Variants in GNG4 observed in about 807,000 individuals in gnomAD.
GNG4 encodes the protein guanine nucleotide-binding protein G(I)/G(S)/G(O) subunit gamma-4.
GNG4 carries 4 observed loss-of-function variants against 5.8 expected under a neutral mutation model. That is an observed-to-expected ratio of 0.69 (90% CI 0.34 to 1.57). GNG4 has a LOEUF of 1.57. GNG4 is among the 40% of genes most tolerant of loss of function. GNG4 has a pLI of 0.06. For missense variants in GNG4, 96 were observed against 95.1 expected (o/e 1.01, Z -0.04); for synonymous variants, 29 against 32.9 (o/e 0.88, Z 0.41).
chr1:235,615,236 C>G (rs1485712651), intron 1 of GNG4: 2 of 152,222 alleles, frequency 1.3e-5, no homozygotes, highest in Non-Finnish European at 2.9e-5. Flanking sequence ...GCAGAAGAGT[C>G]AGTGTCAGAG....
chr1:235,588,384 G>A (rs1019482512), intron 2 of GNG4, among the ~76,000 whole-genome samples: 5 of 151,872 alleles, frequency 3.3e-5, no homozygotes, highest in East Asian at 1.9e-4. Context: ...TGTGCTCTCC[G>A]ACCCCAGCTT....
At chr1:235,635,368 C>T (rs771936156) in intron 1 of GNG4, among the ~76,000 whole-genome samples, 28 of 152,008 alleles carry the variant, frequency 1.8e-4, no homozygotes, top group African/African-American at 5.3e-4. Flanking sequence ...TGGTGGTATG[C>T]GCCTGTAATC....
At chr1:235,601,966 G>T (rs934926966) in intron 1 of GNG4, among the ~76,000 whole-genome samples, 2 of 152,126 alleles carry the variant, frequency 1.3e-5, no homozygotes, top group African/African-American at 4.8e-5. Flanking sequence ...GGCCCACTCA[G>T]ACCTACCAAA....
chr1:235,631,477 T>C (rs971230868), intron 1 of GNG4, among the ~76,000 whole-genome samples: 3 of 152,244 alleles, frequency 2.0e-5, no homozygotes, highest in Non-Finnish European at 4.4e-5. Context: ...TGGGCATTGA[T>C]GCTCTGAGCG....
chr1:235,641,695 TATAA>T (rs1005424656), intron 1 of GNG4, among the ~76,000 whole-genome samples: 9 of 151,964 alleles, frequency 5.9e-5, no homozygotes, highest in African/African-American at 2.2e-4. Flanking sequence ...CACCTAAAAA[TATAA>T]ATAAATAAAT....
intron 1 of GNG4, among the ~76,000 whole-genome samples, chr1:235,607,937 A>ATTT (rs140271145): frequency 7.5e-6 from 1 of 132,758 alleles, no homozygotes; most frequent in Non-Finnish European, 1.6e-5. Flanking sequence ...TGCTGTTTCT[A>ATTT]TTTTTTTTTT....
At chr1:235,556,114 G>C in intron 3 of GNG4, among the ~76,000 whole-genome samples, 1 of 151,760 alleles carries the variant, frequency 6.6e-6, no homozygotes, top group East Asian at 2.0e-4. Context: ...TGATCTGCCC[G>C]CCTCGGCCTC....
At chr1:235,560,363 G>A (rs1246152566) in intron 3 of GNG4, among the ~76,000 whole-genome samples, 2 of 152,126 alleles carry the variant, frequency 1.3e-5, no homozygotes, top group African/African-American at 4.8e-5. Flanking sequence ...CTTATAAAAG[G>A]ATGGGTTTGG....
Position 235,548,058 on chromosome 1 carries a change from C to G in GNG4, c.*4051G>C, listed in dbSNP as rs576206200. Reference sequence around the variant, plus strand: ...TGGGATTCCATCGTGTGAATATACCCTAATGTGCTTATCCAGCCAACATGG... The same window carrying G: ...TGGGATTCCATCGTGTGAATATACCGTAATGTGCTTATCCAGCCAACATGG... On this transcript the variant is annotated 3_prime_UTR_variant, in exon 4 of 4. Transcript: ENST00000391854. The G allele has an allele frequency of 2.6e-5, 4 of 152,292 alleles. No homozygotes were observed. The South Asian group carries it at 8.3e-4, about 32-fold the overall frequency. 9.4% of individuals were successfully genotyped at this position (152,292 alleles called of 1,614,324 possible).
At chr1:235,620,365 CAAA>C (rs1162775558) in intron 1 of GNG4, among the ~76,000 whole-genome samples, 1 of 151,938 alleles carries the variant, frequency 6.6e-6, no homozygotes, top group Non-Finnish European at 1.5e-5. Context: ...AACTCTATTT[CAAA>C]AAACAAAACA....
intron 3 of GNG4, among the ~76,000 whole-genome samples, chr1:235,580,423 T>C (rs1386469369): frequency 6.6e-6 from 1 of 152,238 alleles, no homozygotes; most frequent in Non-Finnish European, 1.5e-5. Context: ...TTGTATGTTA[T>C]ATATATTTTA....
chr1:235,611,136 T>C (rs1688467928), intron 1 of GNG4, among the ~76,000 whole-genome samples: 1 of 150,598 alleles, frequency 6.6e-6, no homozygotes, highest in Admixed American at 6.6e-5. Context: ...AGATAAAATG[T>C]AGTTACCCAC....
chr1:235,585,460 T>C (rs190935746), intron 2 of GNG4, among the ~76,000 whole-genome samples: 9 of 152,334 alleles, frequency 5.9e-5, no homozygotes, highest in Admixed American at 5.9e-4. Flanking sequence ...TTTATTTTCT[T>C]AGAAAGTAAG....
At chr1:235,629,184 A>G (rs963694583) in intron 1 of GNG4, among the ~76,000 whole-genome samples, 33 of 150,488 alleles carry the variant, frequency 2.2e-4, no homozygotes, top group African/African-American at 8.0e-4. Context: ...TGCCCCGCCA[A>G]TTAAAAAAAA....
chr1:235,555,324 C>G (rs1176502083), intron 3 of GNG4, among the ~76,000 whole-genome samples: 2 of 152,196 alleles, frequency 1.3e-5, no homozygotes, highest in Non-Finnish European at 2.9e-5. Flanking sequence ...TAGATCATCT[C>G]TTGTGGCTGA....
intron 1 of GNG4, among the ~76,000 whole-genome samples, chr1:235,596,481 G>C (rs542227709): frequency 5.4e-4 from 82 of 152,306 alleles, no homozygotes; most frequent in Middle Eastern, 3.4e-3. Context: ...AGGTTGCGGT[G>C]AGCCAAGATC....
chr1:235,584,018 G>A (rs1169973940), intron 2 of GNG4, among the ~76,000 whole-genome samples, 170 bp from the exon 3 acceptor site: 3 of 152,216 alleles, frequency 2.0e-5, no homozygotes, highest in Non-Finnish European at 4.4e-5. Context: ...CCTCATTCGA[G>A]TAAGAGGAGC....
At position 235,593,543 on chromosome 1, in the gene GNG4, G is replaced by A. The variant is rs147570989; in HGVS notation, c.-11+1857C>T. On this transcript the variant is annotated intron_variant, in intron 2 of 3. Coordinates refer to ENST00000391854, the MANE Select transcript of GNG4 (RefSeq NM_001098722.2). ...CTGGGTCCGGAATTGGTGGGTTCTT[G>A]GTCTCACCAACTTCAAGAATGAAGC... Among the ~76,000 whole-genome samples, 305 of 152,302 alleles carry A rather than the reference G, an allele frequency of 2.0e-3. 1 individual carries two copies. The highest frequency in any genetic ancestry group is 5.8e-3 in the African/African-American group (240 of 41,562).
At chr1:235,620,037 T>C (rs936322681) in intron 1 of GNG4, among the ~76,000 whole-genome samples, 1 of 152,202 alleles carries the variant, frequency 6.6e-6, no homozygotes, top group Non-Finnish European at 1.5e-5. Flanking sequence ...TTTCCTTTCA[T>C]AGACAGCTAC....
Sources: allele counts gnomAD v4.1 joint callset (sites outside exome capture counted in the v4.1 genomes callset), GRCh38; gene constraint gnomAD v4.1.1; transcripts MANE v1.5; gene names NCBI Gene and HGNC (gene_info 2026-07-23, HGNC 2026-07-21).